Variants in ABHD17C observed in about 807,000 individuals in gnomAD.
The protein encoded by ABHD17C is alpha/beta hydrolase domain-containing protein 17C.
In ABHD17C, 11 loss-of-function variants were observed where a neutral mutation model predicts 27.9. The ratio of observed to expected loss-of-function variants is 0.39; its 90% confidence interval spans 0.25 to 0.65. ABHD17C has a LOEUF of 0.65. Among genes scored for constraint, ABHD17C ranks in the 30% least tolerant of loss-of-function variants. The pLI, the probability that ABHD17C is intolerant of heterozygous loss-of-function variation, is 0.45. For synonymous variants in ABHD17C, 233 were observed against 209.1 expected (o/e 1.11, Z -0.98); for missense variants, 280 against 470.2 (o/e 0.60, Z 3.74).
intron 1 of ABHD17C, among the ~76,000 whole-genome samples, chr15:80,737,990 A>G (rs917205852): frequency 6.6e-6 from 1 of 151,976 alleles, no homozygotes; most frequent in Non-Finnish European, 1.5e-5. Flanking sequence ...TTCAAGGAAG[A>G]TATATCTGTT....
Position 80,749,756 on chromosome 15 carries a change from C to T in ABHD17C, c.770+64C>T, listed in dbSNP as rs573059480. The T allele has an allele frequency of 3.4e-5, 52 of 1,517,260 alleles. 1 individual carries two copies. The East Asian group carries it at 1.1e-3, about 31-fold the overall frequency. The allele number at this position is 1,517,260 out of a possible 1,614,324, so 94.0% of individuals were successfully genotyped here. ...ATGACTGTGTTTATATCTGATGCTC[C>T]CATAAATATCTGTGTAAATATTTAT... is the stretch of plus-strand genomic sequence containing the variant. On this transcript the variant is annotated intron_variant, in intron 2 of 2. Transcript: ENST00000258884.
intron 1 of ABHD17C, among the ~76,000 whole-genome samples, chr15:80,725,091 G>A (rs1212783994): frequency 6.6e-6 from 1 of 152,206 alleles, no homozygotes; most frequent in Non-Finnish European, 1.5e-5. Context: ...AGGGCAGTGT[G>A]CCTAACCAAC....
chr15:80,733,817 A>T (rs1224185270), intron 1 of ABHD17C, among the ~76,000 whole-genome samples: 1 of 152,198 alleles, frequency 6.6e-6, no homozygotes, highest in African/African-American at 2.4e-5. Flanking sequence ...TTCTAGTTCT[A>T]AGAAATATTT....
intron 1 of ABHD17C, among the ~76,000 whole-genome samples, chr15:80,709,488 C>CA (rs56163745): frequency 0.45 from 59,952 of 131,838 alleles, 14,697 homozygotes; most frequent in Non-Finnish European, 0.61. Context: ...GACTCTGTCT[C>CA]AAAAAAAAAA....
In ABHD17C at chr15:80,744,117, T is replaced by C. The variant is rs573307413; in HGVS notation, c.591-5396T>C. ...CATTGTCTCTTTTTTCCCCCCTCTGTCTTTTATGTAATTTAATCTGAGAAC... is the reference window on the plus strand; with the variant it reads ...CATTGTCTCTTTTTTCCCCCCTCTGCCTTTTATGTAATTTAATCTGAGAAC... On this transcript the variant is annotated intron_variant, in intron 1 of 2. Transcript: ENST00000258884. Among the ~76,000 whole-genome samples, 19 of 149,372 alleles carry C rather than the reference T, an allele frequency of 1.3e-4. No individual in the cohort carries two copies. The East Asian group carries it at 3.1e-3, about 24-fold the overall frequency.
intron 1 of ABHD17C, among the ~76,000 whole-genome samples, chr15:80,714,899 C>G (rs915665622): frequency 6.6e-6 from 1 of 152,142 alleles, no homozygotes; most frequent in Non-Finnish European, 1.5e-5. Context: ...AAATTGCAGT[C>G]TTTCAACAAA....
At chr15:80,719,348 G>A (rs1487047839) in intron 1 of ABHD17C, among the ~76,000 whole-genome samples, 6 of 152,154 alleles carry the variant, frequency 3.9e-5, no homozygotes, top group Non-Finnish European at 8.8e-5. Context: ...CATTGAGAGT[G>A]TTTGTAATTT....
intron 1 of ABHD17C, among the ~76,000 whole-genome samples, chr15:80,710,743 GC>G (rs1456168794): frequency 1.3e-5 from 2 of 151,954 alleles, no homozygotes; most frequent in Non-Finnish European, 2.9e-5. Flanking sequence ...AGTTTCATTA[GC>G]TTTTTTCTTT....
At position 80,755,016 on chromosome 15, in the gene ABHD17C, T is replaced by G. The variant is rs1427582544; in HGVS notation, c.*646T>G. ...TAAATTTATTACTAGCCAACAGAGT[T>G]TTACTATTTTGATTGTCTGGTTGGT... is the stretch of plus-strand genomic sequence containing the variant. On this transcript the variant is annotated 3_prime_UTR_variant, in exon 3 of 3. Coordinates refer to ENST00000258884, the MANE Select transcript of ABHD17C (RefSeq NM_021214.2). The G allele has an allele frequency of 6.6e-6, 1 of 152,160 alleles. No homozygotes were observed. The highest frequency in any genetic ancestry group is 1.5e-5 in the Non-Finnish European group (1 of 68,044). The allele number at this position is 152,160 out of a possible 1,614,324, so 9.4% of individuals were successfully genotyped here. A position where few individuals can be genotyped will look rare whatever the true frequency, so the allele number is the denominator to read the frequency against.
At chr15:80,741,359 T>C (rs1381366186) in intron 1 of ABHD17C, among the ~76,000 whole-genome samples, 11 of 152,214 alleles carry the variant, frequency 7.2e-5, no homozygotes, top group Non-Finnish European at 1.0e-4. Flanking sequence ...ACAATTTTTT[T>C]TTCTTCGTAA....
chr15:80,707,282 G>A (rs1192458351), intron 1 of ABHD17C, among the ~76,000 whole-genome samples: 1 of 152,202 alleles, frequency 6.6e-6, no homozygotes, highest in Non-Finnish European at 1.5e-5. Context: ...CAATGGACTT[G>A]AAGAACATAC....
intron 1 of ABHD17C, among the ~76,000 whole-genome samples, chr15:80,713,586 G>A (rs1051074722): frequency 1.3e-5 from 2 of 151,682 alleles, no homozygotes; most frequent in Non-Finnish European, 2.9e-5. Context: ...AAGGTGGGTG[G>A]ATCACAAGGT....
intron 1 of ABHD17C, among the ~76,000 whole-genome samples, chr15:80,746,196 G>A (rs536301346): frequency 4.6e-5 from 7 of 152,072 alleles, no homozygotes; most frequent in African/African-American, 1.7e-4. Flanking sequence ...TAATGAAGTT[G>A]AATAACTCTT....
chr15:80,728,503 A>G (rs181293484), intron 1 of ABHD17C, among the ~76,000 whole-genome samples: 15 of 151,204 alleles, frequency 9.9e-5, no homozygotes, highest in Admixed American at 9.2e-4. Context: ...TCCAGGCCTC[A>G]TCCATTCCCC....
chr15:80,727,021 A>C (rs1294136141), intron 1 of ABHD17C, among the ~76,000 whole-genome samples: 2 of 152,186 alleles, frequency 1.3e-5, no homozygotes, highest in Non-Finnish European at 2.9e-5. Context: ...GTCAGAGGTC[A>C]TATATAGCTG....
Position 80,695,377 on chromosome 15 carries a change from GGCCAGCCA to G in ABHD17C, c.-37_-30del, listed in dbSNP as rs929936066. On this transcript the variant is annotated 5_prime_UTR_variant, in exon 1 of 3. Coordinates refer to ENST00000258884, the MANE Select transcript of ABHD17C (RefSeq NM_021214.2). This position sits in a 1 kb window ranked among gnomAD's most constrained non-coding sequence, Gnocchi z 4.3. The stretch of plus-strand genomic sequence containing the variant: ...CGCGCGTCCGTCCTCCGTCCTCCCG[GGCCAGCCA>G]GCCAGCCAGCCAGCCGGGCCGGCGG... The G allele has an allele frequency of 7.0e-6, 8 of 1,140,814 alleles. No homozygotes were observed. In the East Asian group the frequency reaches 1.3e-4, roughly 19 times the overall value. 70.7% of individuals were successfully genotyped at this position (1,140,814 alleles called of 1,614,324 possible).
chr15:80,695,982 G>A lies in ABHD17C; in HGVS notation c.553G>A (p.Ala185Thr). The A allele has an allele frequency of 1.3e-6, 2 of 1,587,476 alleles. No homozygotes were observed. The highest frequency in any genetic ancestry group is 1.7e-6 in the Non-Finnish European group (2 of 1,174,776). Residue 185 changes from alanine (A) to threonine (T), a missense_variant, in exon 1 of 3, where the codon GCC becomes ACC. This residue lies in a region of ABHD17C where 206 missense variants were observed against 394.7 expected (regional missense o/e 0.52). Transcript: ENST00000258884. This position sits in a 1 kb window ranked among gnomAD's most constrained non-coding sequence, Gnocchi z 4.3. ...CAAGCCCTCCGAGAAGAACCTCTAC[G>A]CCGACATCGACGCCGCGTGGCAGGC... ...SGKPSEKNLY[A>T]DIDAAWQALR...
intron 1 of ABHD17C, among the ~76,000 whole-genome samples, chr15:80,711,665 A>C (rs555679117): frequency 6.6e-6 from 1 of 152,244 alleles, no homozygotes; most frequent in Non-Finnish European, 1.5e-5. Flanking sequence ...TTTAATTTGC[A>C]TAATGCCTCC....
chr15:80,713,474 A>G (rs1317023363), intron 1 of ABHD17C, among the ~76,000 whole-genome samples: 1 of 148,530 alleles, frequency 6.7e-6, no homozygotes, highest in Non-Finnish European at 1.5e-5. Context: ...TGCCATAAAC[A>G]GAGCCCTGGT....
Sources: gnomAD v4.1 joint callset for allele counts (sites outside exome capture counted in the v4.1 genomes callset) on GRCh38, gnomAD v4.1.1 for gene constraint, gnomAD v4.1.1 regional missense constraint, Gnocchi (gnomAD v3.1) non-coding constraint, MANE v1.5 for transcripts, NCBI Gene and HGNC (gene_info 2026-07-23, HGNC 2026-07-21) for gene names.